Variants in HS6ST2 observed in about 807,000 individuals in gnomAD.
The protein encoded by HS6ST2 is heparan-sulfate 6-O-sulfotransferase 2.
HS6ST2 carries 17 observed loss-of-function variants against 33.0 expected under a neutral mutation model. That is an observed-to-expected ratio of 0.52 (90% CI 0.35 to 0.77). The LOEUF (loss-of-function observed/expected upper bound fraction) is 0.77, where lower values mean the gene tolerates loss of function less well. Ranked by LOEUF, HS6ST2 falls within the 30% of genes least tolerant of loss-of-function variation. The pLI is 0.01. For synonymous variants in HS6ST2, 248 were observed against 237.1 expected, an observed-to-expected ratio of 1.05 and a Z score of -0.42; for missense variants, 519 against 551.7, an observed-to-expected ratio of 0.94 and a Z score of 0.59.
chrX:132,667,987 C>T, intron 4 of HS6ST2, among the ~76,000 whole-genome samples: 1 of 111,689 alleles, frequency 9.0e-6, no homozygotes, highest in Non-Finnish European at 1.9e-5. Flanking sequence ...GTCTTTAACA[C>T]CGTTTTTTAT....
chrX:132,738,159 T>C (rs2064527274), intron 2 of HS6ST2, among the ~76,000 whole-genome samples: 1 of 112,521 alleles, frequency 8.9e-6, no homozygotes, highest in Admixed American at 9.4e-5. Flanking sequence ...TGTGTATTTC[T>C]CTTGCCACCT....
intron 2 of HS6ST2, among the ~76,000 whole-genome samples, chrX:132,826,629 C>G (rs1462997814): frequency 9.2e-6 from 1 of 109,074 alleles, no homozygotes; most frequent in Non-Finnish European, 1.9e-5. Flanking sequence ...ATATGGCTCA[C>G]ATTATATATA....
At chrX:132,678,189 A>C (rs1221856314) in intron 3 of HS6ST2, among the ~76,000 whole-genome samples, 1 of 111,478 alleles carries the variant, frequency 9.0e-6, no homozygotes, top group Non-Finnish European at 1.9e-5. Flanking sequence ...CCCTGTCTCT[A>C]CAAAAACAAA....
chrX:132,809,637 C>G (rs1476129057), intron 2 of HS6ST2, among the ~76,000 whole-genome samples: 1 of 111,452 alleles, frequency 9.0e-6, no homozygotes, highest in Non-Finnish European at 1.9e-5. Context: ...TCTTTCCTGT[C>G]CATGTTCTCT....
chrX:132,907,100 A>G (rs1485944670), intron 2 of HS6ST2, among the ~76,000 whole-genome samples: 1 of 112,427 alleles, frequency 8.9e-6, no homozygotes, highest in African/African-American at 3.2e-5. Flanking sequence ...AGATGCCAGC[A>G]CCACATTTCT....
At chrX:132,860,833 G>A (rs1221695282) in intron 2 of HS6ST2, among the ~76,000 whole-genome samples, 3 of 88,958 alleles carry the variant, frequency 3.4e-5, no homozygotes, top group Non-Finnish European at 6.3e-5. Flanking sequence ...TGTCACCCAG[G>A]CTGGAGTGCA....
chrX:132,922,724 G>A (rs927362672), intron 2 of HS6ST2, among the ~76,000 whole-genome samples: 3 of 111,284 alleles, frequency 2.7e-5, no homozygotes, highest in African/African-American at 6.5e-5. Flanking sequence ...ATATTGGTTC[G>A]GTTCAGAAAG....
chrX:132,807,577 G>A (rs1198031150), intron 2 of HS6ST2, among the ~76,000 whole-genome samples: 2 of 110,984 alleles, frequency 1.8e-5, no homozygotes, highest in African/African-American at 3.3e-5. Context: ...GCTCTTTATC[G>A]AGCTCAGGTC....
chrX:132,920,681 TG>T (rs1450139637), intron 2 of HS6ST2, among the ~76,000 whole-genome samples: 3 of 112,556 alleles, frequency 2.7e-5, no homozygotes, highest in Non-Finnish European at 3.7e-5. Context: ...TTAGCGTAAA[TG>T]ACATGAAAAA....
intron 2 of HS6ST2, among the ~76,000 whole-genome samples, chrX:132,894,173 T>C (rs2148454543): frequency 9.3e-6 from 1 of 107,587 alleles, no homozygotes; most frequent in Admixed American, 1.0e-4. Context: ...CGAAGTTTTG[T>C]TCTTGTTGCC....
intron 2 of HS6ST2, among the ~76,000 whole-genome samples, chrX:132,830,357 G>A (rs1379687834): frequency 9.0e-6 from 1 of 111,491 alleles, no homozygotes; most frequent in Non-Finnish European, 1.9e-5. Context: ...ATGGACATGG[G>A]ACCAGGTCAC....
At chrX:132,671,144 C>G (rs897395111) in intron 3 of HS6ST2, among the ~76,000 whole-genome samples, 30 of 112,587 alleles carry the variant, frequency 2.7e-4, no homozygotes, top group African/African-American at 9.4e-4. Context: ...GACCAGGGAC[C>G]ATCCTGGCTA....
chrX:132,778,041 T>G (rs2064981327), intron 2 of HS6ST2, among the ~76,000 whole-genome samples: 1 of 112,360 alleles, frequency 8.9e-6, no homozygotes, highest in Non-Finnish European at 1.9e-5. Context: ...AGTTTTGGTA[T>G]GATGCATTTA....
intron 2 of HS6ST2, among the ~76,000 whole-genome samples, chrX:132,754,711 C>T (rs748868976): frequency 1.8e-4 from 20 of 109,200 alleles, no homozygotes; most frequent in Non-Finnish European, 3.4e-4. Context: ...CCACCACACC[C>T]GGCCTGCACC....
At chrX:132,725,526 A>T (rs1232108717) in intron 2 of HS6ST2, among the ~76,000 whole-genome samples, 1 of 112,205 alleles carries the variant, frequency 8.9e-6, no homozygotes, top group Non-Finnish European at 1.9e-5. Flanking sequence ...TGCTGGCAAG[A>T]ATGTGGAGAA....
At chrX:132,669,510 A>T (rs921010403) in intron 3 of HS6ST2, 3 of 86,554 alleles carry the variant, frequency 3.5e-5, no homozygotes, top group East Asian at 1.6e-4. Context: ...TCTAGTTTTA[A>T]AAAAAAAAGT....
chrX:132,751,913 G>A (rs1166462582), intron 2 of HS6ST2, among the ~76,000 whole-genome samples: 1 of 111,966 alleles, frequency 8.9e-6, no homozygotes, highest in African/African-American at 3.3e-5. Context: ...CACCTTTCCT[G>A]CACCAGGCAA....
intron 2 of HS6ST2, among the ~76,000 whole-genome samples, chrX:132,851,276 T>A (rs775527957): frequency 6.2e-5 from 7 of 112,183 alleles, no homozygotes; most frequent in African/African-American, 2.3e-4. Flanking sequence ...CAAAATGCAA[T>A]CCAGAGACTC....
chrX:132,814,019 A>C (rs1273367583), intron 2 of HS6ST2, among the ~76,000 whole-genome samples: 1 of 111,511 alleles, frequency 9.0e-6, no homozygotes, highest in East Asian at 2.8e-4. Flanking sequence ...ATCTCAGGTC[A>C]CTGCAACCTT....
Sources: allele counts gnomAD v4.1 joint callset (sites outside exome capture counted in the v4.1 genomes callset), GRCh38; gene constraint gnomAD v4.1.1; transcripts MANE v1.5; gene names NCBI Gene and HGNC (gene_info 2026-07-23, HGNC 2026-07-21).